MOV10: variants seen among roughly 807,000 people sequenced by gnomAD.
The protein encoded by MOV10 is Mov10 RNA helicase.
In MOV10, 39 loss-of-function variants were observed where a neutral mutation model predicts 108.4. The ratio of observed to expected loss-of-function variants is 0.36; its 90% CI spans 0.28 to 0.47. The LOEUF (loss-of-function observed/expected upper bound fraction) is 0.47, where lower values mean the gene tolerates loss of function less well. MOV10 is among the 20% of genes least tolerant of loss of function. The pLI is 1.00. For missense variants in MOV10, 952 were observed against 1,297.6 expected, an observed-to-expected ratio of 0.73 and a Z score of 4.09; for synonymous variants, 490 against 523.1, an observed-to-expected ratio of 0.94 and a Z score of 0.86.
chr1:112,675,567 AGAAGCTCAG>A lies in MOV10; in HGVS notation c.137+526_137+534del, dbSNP rs1362637762. ...ACTGAAGAGGCCCAGGGTAGAAGGG[AGAAGCTCAG>A]GAAGCTCTGGAAAGAAGAAAAGGGC... On this transcript the variant is annotated intron_variant, in intron 2 of 20. Coordinates refer to ENST00000369645, the MANE Select transcript of MOV10 (RefSeq NM_001321324.2). This position sits in a 1 kb window ranked among gnomAD's most constrained non-coding sequence, Gnocchi z 4.7. Among the ~76,000 whole-genome samples the A allele has an allele frequency of 6.6e-6, 1 of 152,186 alleles. No homozygotes were observed. Among genetic ancestry groups the A allele is most frequent in the African/African-American group, 2.4e-5 (1 of 41,438 alleles).
Position 112,675,882 on chromosome 1 carries a change from A to G in MOV10, c.137+833A>G, listed in dbSNP as rs1672164481. On this transcript the variant is annotated intron_variant, in intron 2 of 20. Transcript: ENST00000369645. The surrounding 1 kb of genome is among the most constrained non-coding windows in gnomAD (Gnocchi z 4.7). ...AGACTTGTACAAATAAACATAAGGT[A>G]GTGGGAATCTGGGCTTAATAACAGA... is the stretch of plus-strand genomic sequence containing the variant. Among the ~76,000 whole-genome samples the G allele has an allele frequency of 6.6e-6, 1 of 152,234 alleles. No individual in the cohort carries two copies. Among genetic ancestry groups the G allele is most frequent in the Non-Finnish European group, 1.5e-5 (1 of 68,030 alleles).
At chr1:112,683,316 G>GT (rs1331859095) in intron 2 of MOV10, among the ~76,000 whole-genome samples, 1 of 152,132 alleles carries the variant, frequency 6.6e-6, no homozygotes, top group African/African-American at 2.4e-5. Flanking sequence ...ATAGGCATAT[G>GT]TTTAGTTTTA....
intron 19 of MOV10, 29 bp from the exon 20 acceptor site, chr1:112,700,188 GTC>G (rs774051716): frequency 1.2e-6 from 2 of 1,613,788 alleles, no homozygotes; most frequent in South Asian, 1.1e-5. Context: ...TTAGCCTCCA[GTC>G]TCTGCTGGCA....
At chr1:112,698,549 T>G in intron 16 of MOV10, 71 bp downstream of exon 16, 1 of 1,528,804 alleles carries the variant, frequency 6.5e-7, no homozygotes, top group Middle Eastern at 1.8e-4. Flanking sequence ...TCCAGACCAC[T>G]AGGCAGAGGC....
rs769180599 is a variant in MOV10, at chr1:112,689,969, G to A, written c.707G>A (p.Arg236His). The A allele has an allele frequency of 5.0e-6, 8 of 1,614,038 alleles. No homozygotes were observed. The highest frequency in any genetic ancestry group is 3.3e-5 in the Admixed American group (2 of 60,008). Residue 236 changes from arginine (R) to histidine (H), a missense_variant, in exon 5 of 21, where the codon CGC becomes CAC. Arg to His is a conservative substitution (Grantham distance 29). Transcript: ENST00000369645. Reference protein sequence around the residue: ...SEGAGTFYIARFLAAVAHSPL... With the variant: ...SEGAGTFYIAHFLAAVAHSPL... ...GGAGCCGGCACATTCTACATTGCCC[G>A]CTTCTTGGCTGCCGTCGCCCACAGC...
chr1:112,682,211 T>C (rs1672716435), intron 2 of MOV10, among the ~76,000 whole-genome samples: 2 of 152,030 alleles, frequency 1.3e-5, no homozygotes, highest in Admixed American at 1.3e-4. Context: ...TTTTTGTTGT[T>C]GTTGTTTGGG....
intron 2 of MOV10, chr1:112,688,457 T>G: frequency 9.8e-7 from 1 of 1,021,742 alleles, no homozygotes; most frequent in Non-Finnish European, 1.2e-6. Context: ...CTTGGACATC[T>G]GTACTGTCTC....
intron 14 of MOV10, 34 bp downstream of exon 14, chr1:112,696,880 C>A: frequency 6.5e-7 from 1 of 1,527,048 alleles, no homozygotes; most frequent in South Asian, 1.2e-5. Context: ...CTGCCATATC[C>A]TATGCTTTCA....
At chr1:112,697,920 TG>T in intron 14 of MOV10, 73 bp from the exon 15 acceptor site, 1 of 1,229,136 alleles carries the variant, frequency 8.1e-7, no homozygotes, top group Non-Finnish European at 1.2e-6. Context: ...GGGCCCAGAG[TG>T]GGTAGAGCGG....
intron 2 of MOV10, among the ~76,000 whole-genome samples, chr1:112,682,203 T>TTTG (rs1052613983): frequency 3.3e-5 from 5 of 152,082 alleles, no homozygotes; most frequent in South Asian, 2.1e-4. Flanking sequence ...CCATGGGTTT[T>TTTG]TTGTTGTTGT....
rs1005141180 is a variant in MOV10, at chr1:112,699,511, C to T, written c.2584-174C>T. The T allele has an allele frequency of 9.0e-6, 13 of 1,447,628 alleles. No homozygotes were observed. The African/African-American group carries it at 1.7e-4, about 19-fold the overall frequency. 89.7% of individuals were successfully genotyped at this position (1,447,628 alleles called of 1,614,324 possible). ...GGATTCAACCTTCATGTTTCAGCTT[C>T]CACAGCCTACCTCCCATCCCCTTTC... On this transcript the variant is annotated intron_variant, in intron 17 of 20. Coordinates refer to ENST00000369645, the MANE Select transcript of MOV10 (RefSeq NM_001321324.2).
At chr1:112,685,686 TATAAA>T (rs1448553284) in intron 2 of MOV10, among the ~76,000 whole-genome samples, 137 of 124,824 alleles carry the variant, frequency 1.1e-3, no homozygotes, top group African/African-American at 4.6e-3. Flanking sequence ...TAAAATAAAA[TATAAA>T]ATAAAATAAA....
chr1:112,688,120 C>T (rs568482185), intron 2 of MOV10, among the ~76,000 whole-genome samples: 9 of 152,106 alleles, frequency 5.9e-5, no homozygotes, highest in Non-Finnish European at 1.0e-4. Context: ...CCTCCAAGCA[C>T]CACGCTGGAA....
intron 4 of MOV10, 75 bp from the exon 5 acceptor site, chr1:112,689,765 T>G (rs901248906): frequency 6.3e-7 from 1 of 1,587,426 alleles, no homozygotes; most frequent in Non-Finnish European, 8.6e-7. Context: ...GGATGGGGCT[T>G]CCTGGGGGAG....
At chr1:112,680,395 G>A (rs903259772) in intron 2 of MOV10, among the ~76,000 whole-genome samples, 3 of 151,598 alleles carry the variant, frequency 2.0e-5, no homozygotes, top group Non-Finnish European at 4.4e-5. Context: ...GGTGGCTCAC[G>A]CCTGTAATCC....
Position 112,700,438 on chromosome 1 carries a change from C to T in MOV10, c.2943C>T (p.Leu981=). ...CAGGGCCCCACAGCCATGACTACCT[C>T]CCCCAGGAGCGGGAGGGTGAAGGGG... The part of the protein sequence containing the change: ...STSGPHSHDY[L]PQEREGEGGL... The change falls in exon 21 of 21, where the codon CTC becomes CTT. Residue 981 remains leucine (L), a synonymous_variant. Transcript: ENST00000369645. 2 of 1,613,654 alleles carry T rather than the reference C, an allele frequency of 1.2e-6. No homozygotes were observed. Among genetic ancestry groups the T allele is most frequent in the Non-Finnish European group, 1.7e-6 (2 of 1,179,780 alleles).
rs139654538 is a variant in MOV10 at position 112,692,630 on chromosome 1, T to C, written c.972-131T>C. 9.4e-5 allele frequency: 119 copies of C among 1,269,386 alleles called. No homozygotes were observed. The East Asian group carries it at 2.5e-3, about 27-fold the overall frequency. 78.6% of individuals were successfully genotyped at this position (1,269,386 alleles called of 1,614,324 possible). A position where few individuals can be genotyped will look rare whatever the true frequency, so the allele number is the denominator to read the frequency against. ...TGACTCTCATCCACTTCTGTATCCC[T>C]CTAGTCTTCTCTGCTTTTTGACGCT... On this transcript the variant is annotated intron_variant, in intron 6 of 20. Transcript: ENST00000369645.
chr1:112,687,838 C>T (rs537891004), intron 2 of MOV10, among the ~76,000 whole-genome samples: 17 of 152,120 alleles, frequency 1.1e-4, no homozygotes, highest in African/African-American at 3.9e-4. Context: ...AGGAGGAAAG[C>T]GAGGCTCTGA....
At position 112,695,536 on chromosome 1, in the gene MOV10, C is replaced by T. The variant is rs1162548955; in HGVS notation, c.1741C>T (p.Pro581Ser). 6.2e-7 allele frequency: 1 copy of T among 1,614,168 alleles called. No homozygotes were observed. The highest frequency in any genetic ancestry group is 1.7e-5 in the Admixed American group (1 of 60,026). The change falls in exon 11 of 21, where the codon CCC (proline) becomes TCC (serine). Residue 581 changes from proline (P) to serine (S), a missense_variant. Coordinates refer to ENST00000369645, the MANE Select transcript of MOV10 (RefSeq NM_001321324.2). ...TAGCTCCATCTACCGCCTCCTGGCC[C>T]CCAGCAGGGACATCCGCATGGTACC... is the stretch of plus-strand genomic sequence containing the variant. ...LPSSIYRLLAPSRDIRMVPED... is the reference protein window; with the variant it reads ...LPSSIYRLLASSRDIRMVPED...
Sources: allele counts gnomAD v4.1 joint callset (sites outside exome capture counted in the v4.1 genomes callset), GRCh38; gene constraint gnomAD v4.1.1; non-coding constraint Gnocchi (gnomAD v3.1); transcripts MANE v1.5; gene names NCBI Gene and HGNC (gene_info 2026-07-23, HGNC 2026-07-21).